Variants in NAV3 observed in about 807,000 individuals in gnomAD.
The protein encoded by NAV3 is pore membrane and/or filament interacting like protein 1.
Under a neutral mutation model 244.7 loss-of-function variants are expected in NAV3, and 87 were observed. That is an observed-to-expected ratio of 0.36 (90% CI 0.30 to 0.42). NAV3 has a LOEUF of 0.42. Ranked by LOEUF, NAV3 falls within the 20% of genes least tolerant of loss-of-function variation. The pLI, the probability that NAV3 is intolerant of heterozygous loss-of-function variation, is 1.00. For synonymous variants in NAV3, 1,126 were observed against 1,042.2 expected (o/e 1.08, Z -1.55); for missense variants, 2,663 against 2,893.3 (o/e 0.92, Z 1.83).
intron 2 of NAV3, among the ~76,000 whole-genome samples, chr12:77,736,233 G>A (rs922212851): frequency 7.9e-5 from 12 of 152,098 alleles, no homozygotes; most frequent in East Asian, 1.9e-4. Flanking sequence ...TTATTCTAGC[G>A]AAGGTCAATG....
chr12:77,983,588 G>A (rs1245673778), intron 5 of NAV3, among the ~76,000 whole-genome samples: 1 of 152,082 alleles, frequency 6.6e-6, no homozygotes, highest in Non-Finnish European at 1.5e-5. Context: ...ATATGGACCT[G>A]GGAACATTAG....
At chr12:77,681,486 C>T (rs185708706) in intron 2 of NAV3, among the ~76,000 whole-genome samples, 1 of 152,236 alleles carries the variant, frequency 6.6e-6, no homozygotes, top group Admixed American at 6.5e-5. Flanking sequence ...TACTCTATTA[C>T]AAAAATGACT....
intron 1 of NAV3, among the ~76,000 whole-genome samples, chr12:77,885,596 G>A (rs1464208474): frequency 2.6e-5 from 4 of 152,054 alleles, no homozygotes; most frequent in African/African-American, 9.7e-5. Flanking sequence ...TTAAGAAAAT[G>A]TTCTGATCTT....
intron 2 of NAV3, among the ~76,000 whole-genome samples, chr12:77,644,227 C>G (rs1000505914): frequency 5.3e-5 from 8 of 151,966 alleles, no homozygotes; most frequent in Admixed American, 5.3e-4. Context: ...GTCTGTGGAA[C>G]CTTTTCTGTT....
rs185953601 is a variant in NAV3 at position 77,812,683 on chromosome 12, C to A, written c.73-127636C>A. On this transcript the variant is annotated intron_variant, in intron 2 of 8. Transcript: ENST00000550042. ...CTCACCTAGGGCGCTCCCGCCTGGCCTCCCAAAGTGCTAGGATTACAAGTG... is the reference window on the plus strand; with the variant it reads ...CTCACCTAGGGCGCTCCCGCCTGGCATCCCAAAGTGCTAGGATTACAAGTG... Among the ~76,000 whole-genome samples, 33 of 152,176 alleles carry A rather than the reference C, an allele frequency of 2.2e-4. No individual in the cohort carries two copies. The East Asian group carries it at 5.4e-3, about 25-fold the overall frequency.
intron 22 of NAV3, among the ~76,000 whole-genome samples, chr12:78,153,670 A>G (rs984120980): frequency 2.6e-5 from 4 of 152,248 alleles, no homozygotes; most frequent in African/African-American, 9.6e-5. Flanking sequence ...TATTACTAAC[A>G]TTTTTAAAGA....
At chr12:78,193,236 C>T (rs1199753908) in intron 34 of NAV3, among the ~76,000 whole-genome samples, 1 of 152,196 alleles carries the variant, frequency 6.6e-6, no homozygotes, top group Non-Finnish European at 1.5e-5. Flanking sequence ...CCTCTTCCCA[C>T]ACTTCAAGCC....
intron 2 of NAV3, among the ~76,000 whole-genome samples, chr12:77,814,162 G>A (rs998655364): frequency 6.6e-6 from 1 of 151,924 alleles, no homozygotes; most frequent in Admixed American, 6.6e-5. Context: ...TTCTGCCAGA[G>A]TTCCTCAGGC....
intron 1 of NAV3, among the ~76,000 whole-genome samples, chr12:77,929,277 C>T (rs1344126148): frequency 6.6e-6 from 1 of 152,140 alleles, no homozygotes; most frequent in Non-Finnish European, 1.5e-5. Context: ...TGTATATTTT[C>T]TTAAAACCTA....
rs1237222206 is a variant in NAV3 at position 77,940,388 on chromosome 12, C to A, written c.313C>A (p.Gln105Lys). The A allele has an allele frequency of 6.2e-7, 1 of 1,613,924 alleles. No individual in the cohort carries two copies. Among genetic ancestry groups the A allele is most frequent in the Admixed American group, 1.7e-5 (1 of 60,018 alleles). ...GHKRLIKDLQQDIADGVLLAE... is the reference protein window; with the variant it reads ...GHKRLIKDLQKDIADGVLLAE... ...CAAGCGGCTGATCAAGGACTTGCAA[C>A]AAGACATTGCAGATGGAGTACTCCT... Residue 105 changes from glutamine (Q) to lysine (K), a missense_variant, in exon 2 of 40, where the codon CAA (glutamine) becomes AAA (lysine). Coordinates refer to ENST00000397909, the MANE Select transcript of NAV3 (RefSeq NM_001024383.2).
intron 2 of NAV3, among the ~76,000 whole-genome samples, chr12:77,647,184 G>C (rs1219310238): frequency 6.6e-6 from 1 of 151,950 alleles, no homozygotes; most frequent in African/African-American, 2.4e-5. Flanking sequence ...ATAAGAGAAT[G>C]GATGAATAAG....
At chr12:77,598,593 A>G (rs540580638) in intron 2 of NAV3, among the ~76,000 whole-genome samples, 2 of 152,034 alleles carry the variant, frequency 1.3e-5, no homozygotes, top group South Asian at 2.1e-4. Context: ...TATAATTGAT[A>G]TGCAAAAATC....
chr12:78,024,948 C>T (rs770126), intron 9 of NAV3, among the ~76,000 whole-genome samples: 1 of 151,172 alleles, frequency 6.6e-6, no homozygotes, highest in Non-Finnish European at 1.5e-5. Flanking sequence ...GCACTCCAGA[C>T]TGGGAGACAG....
At chr12:77,711,397 G>A (rs571086674) in intron 2 of NAV3, among the ~76,000 whole-genome samples, 1 of 152,176 alleles carries the variant, frequency 6.6e-6, no homozygotes, top group Non-Finnish European at 1.5e-5. Flanking sequence ...CTGTTATGAT[G>A]TCCTTTCCCT....
intron 1 of NAV3, among the ~76,000 whole-genome samples, chr12:77,869,517 T>C (rs1880619964): frequency 6.6e-6 from 1 of 152,226 alleles, no homozygotes; most frequent in Non-Finnish European, 1.5e-5. Flanking sequence ...GAACATGACA[T>C]GTCTGTTCTC....
At chr12:78,135,358 C>T (rs1002134788) in intron 18 of NAV3, among the ~76,000 whole-genome samples, 1 of 152,150 alleles carries the variant, frequency 6.6e-6, no homozygotes, top group Non-Finnish European at 1.5e-5. Context: ...ATTTCCAATG[C>T]AGAAGCTATC....
chr12:78,005,683 A>G (rs1422574767), intron 7 of NAV3, among the ~76,000 whole-genome samples: 2 of 152,272 alleles, frequency 1.3e-5, no homozygotes, highest in East Asian at 3.9e-4. Context: ...TGTGGGGTCA[A>G]AGCCTAGCTC....
At chr12:78,179,926 A>G (rs300524) in intron 29 of NAV3, among the ~76,000 whole-genome samples, 60,013 of 152,036 alleles carry the variant, frequency 0.39, 12,701 homozygotes, top group Non-Finnish European at 0.48. Flanking sequence ...CTGTACTAGT[A>G]ATTGGATTCA....
chr12:77,760,448 C>G (rs1212311298), intron 2 of NAV3, among the ~76,000 whole-genome samples: 2 of 152,168 alleles, frequency 1.3e-5, no homozygotes, highest in Admixed American at 1.3e-4. Context: ...CATCTCTAAG[C>G]CTTCACTGTT....
Sources: gnomAD v4.1 joint callset for allele counts (sites outside exome capture counted in the v4.1 genomes callset) on GRCh38, gnomAD v4.1.1 for gene constraint, MANE v1.5 for transcripts, NCBI Gene and HGNC (gene_info 2026-07-23, HGNC 2026-07-21) for gene names.